Variants in LINS1 observed in about 807,000 individuals in gnomAD.
The protein encoded by LINS1 is protein Lines homolog 1.
A neutral mutation model predicts 41.6 loss-of-function variants in LINS1; 27 were observed. The observed-to-expected ratio is 0.65, with a 90% CI of 0.48 to 0.89. The LOEUF is 0.89. Ranked by LOEUF, LINS1 falls within the 40% of genes least tolerant of loss-of-function variation. The probability of loss-of-function intolerance (pLI) is 0.00; values close to 1 mark genes in which losing one functional copy is unlikely to be tolerated. For synonymous variants in LINS1, 336 were observed against 312.9 expected (o/e 1.07, Z -0.78); for missense variants, 955 against 884.1 (o/e 1.08, Z -1.02).
In LINS1 at chr15:100,584,224, A is replaced by G. The variant is rs1327312184; in HGVS notation, c.-103-3279T>C. On this transcript the variant is annotated intron_variant, in intron 1 of 6. Coordinates refer to ENST00000314742, the MANE Select transcript of LINS1 (RefSeq NM_001040616.3). ...CTATCACATGCTCAACTCTTTTAGT[A>G]AAAATTTCAGCAACAAATGGAATTA... Among the ~76,000 whole-genome samples, 3 of 152,250 alleles carry G rather than the reference A, an allele frequency of 2.0e-5. No individual in the cohort carries two copies. The East Asian group carries it at 5.8e-4, about 29-fold the overall frequency.
intron 3 of LINS1, among the ~76,000 whole-genome samples, chr15:100,580,000 A>G (rs1158117026): frequency 6.6e-6 from 1 of 152,178 alleles, no homozygotes; most frequent in African/African-American, 2.4e-5. Flanking sequence ...ATGTGAGCAA[A>G]TGTCTTATTA....
chr15:100,597,797 T>G (rs1164795901), intron 1 of LINS1, among the ~76,000 whole-genome samples: 3 of 152,246 alleles, frequency 2.0e-5, no homozygotes, highest in Admixed American at 6.5e-5. Context: ...ATAGATGTGA[T>G]ACTGTCTAGA....
intron 1 of LINS1, chr15:100,586,393 A>C (rs975050181): frequency 2.0e-5 from 3 of 152,236 alleles, no homozygotes; most frequent in African/African-American, 7.2e-5. Flanking sequence ...TGTGTAAATT[A>C]AATGCTTTGA....
intron 3 of LINS1, among the ~76,000 whole-genome samples, chr15:100,577,349 G>C (rs1460012375): frequency 6.6e-6 from 1 of 152,206 alleles, no homozygotes; most frequent in Non-Finnish European, 1.5e-5. Flanking sequence ...CAAAATCAAT[G>C]TGCAAAAATC....
At chr15:100,582,213 T>C (rs1177869792) in intron 1 of LINS1, among the ~76,000 whole-genome samples, 28 of 139,594 alleles carry the variant, frequency 2.0e-4, no homozygotes, top group Non-Finnish European at 2.3e-4. Flanking sequence ...CTATGGCCAC[T>C]AGCCTAGTCT....
At chr15:100,589,638 T>C (rs2038949300) in intron 1 of LINS1, among the ~76,000 whole-genome samples, 1 of 152,204 alleles carries the variant, frequency 6.6e-6, no homozygotes, top group South Asian at 2.1e-4. Context: ...ATGATCCAAA[T>C]TGAATATATT....
chr15:100,579,401 A>ATT lies in LINS1; in HGVS notation c.489+860_489+861dup, dbSNP rs35349929. Reference sequence around the variant, plus strand: ...CATTTTATCTTTATACCTTTAACTTATTTTTTTTTTAATTACTGCACTAGC... The same window carrying ATT: ...CATTTTATCTTTATACCTTTAACTTATTTTTTTTTTTTAATTACTGCACTAGC... On this transcript the variant is annotated intron_variant, in intron 3 of 6. Coordinates refer to ENST00000314742, the MANE Select transcript of LINS1 (RefSeq NM_001040616.3). Among the ~76,000 whole-genome samples the ATT allele has an allele frequency of 2.2e-3, 319 of 146,310 alleles. 1 individual carries two copies. The highest frequency in any genetic ancestry group is 6.8e-3 in the African/African-American group (274 of 40,234).
At chr15:100,596,906 G>T (rs770674544) in intron 1 of LINS1, 2 of 152,190 alleles carry the variant, frequency 1.3e-5, no homozygotes, top group Non-Finnish European at 2.9e-5. Context: ...TCCCTGCCAC[G>T]TACCTGAAGC....
intron 5 of LINS1, chr15:100,573,405 C>A (rs1388253838): frequency 2.5e-5 from 30 of 1,223,050 alleles, no homozygotes; most frequent in Non-Finnish European, 2.8e-5. Flanking sequence ...GACTCAACAG[C>A]AACTTTTTTA....
rs376607565 is a variant in LINS1, at chr15:100,574,217, T to C, written c.656A>G (p.His219Arg). 21 of 1,609,650 alleles carry C rather than the reference T, an allele frequency of 1.3e-5. No homozygotes were observed. In the South Asian group the frequency reaches 2.1e-4, roughly 16 times the overall value. Reference sequence around the variant, plus strand: ...AAACACTTCAAAAATGGTGTCGAAATGAGTCAGGAACTGCTTTAGAATTTC... The same window carrying C: ...AAACACTTCAAAAATGGTGTCGAAACGAGTCAGGAACTGCTTTAGAATTTC... Reference protein sequence around the residue: ...KTEILKQFLTHFDTIFEVFYN... With the variant: ...KTEILKQFLTRFDTIFEVFYN... Residue 219 changes from histidine to arginine, a missense_variant, in exon 5 of 7, where the codon CAT (histidine) becomes CGT (arginine). By Grantham distance (29) the His-to-Arg change is conservative (BLOSUM62 0). Transcript: ENST00000314742.
chr15:100,597,814 T>C (rs2141365015), intron 1 of LINS1, among the ~76,000 whole-genome samples: 1 of 152,380 alleles, frequency 6.6e-6, no homozygotes, highest in African/African-American at 2.4e-5. Context: ...TAGATTTTAC[T>C]GAACTCCTAA....
At chr15:100,582,262 C>A (rs1224034622) in intron 1 of LINS1, among the ~76,000 whole-genome samples, 1 of 147,784 alleles carries the variant, frequency 6.8e-6, no homozygotes, top group African/African-American at 2.5e-5. Context: ...CTATGGCCCA[C>A]CAGCCAAGTC....
At chr15:100,570,147 T>A in intron 6 of LINS1, 30 bp from the exon 7 acceptor site, 1 of 1,526,978 alleles carries the variant, frequency 6.5e-7, no homozygotes, top group Non-Finnish European at 8.9e-7. Context: ...AGAATGCAGA[T>A]TAATGACCTT....
At chr15:100,575,525 A>G (rs955785370) in intron 3 of LINS1, among the ~76,000 whole-genome samples, 3 of 152,180 alleles carry the variant, frequency 2.0e-5, no homozygotes, top group Non-Finnish European at 4.4e-5. Context: ...TTCATAAAGC[A>G]ACTCCTTAGA....
In LINS1 at chr15:100,569,788, T is replaced by C. The variant is rs2037713416; in HGVS notation, c.1724A>G (p.His575Arg). Residue 575 changes from histidine to arginine, a missense_variant, in exon 7 of 7, where the codon CAT becomes CGT. Transcript: ENST00000314742. ...QDQSSNQTIP[H>R]RLTAPHSHRD... The stretch of plus-strand genomic sequence containing the variant: ...GTGACTATGAGGAGCAGTCAAACGA[T>C]GGGGTATTGTTTGGTTGGAGCTTTG... The C allele has an allele frequency of 6.2e-7, 1 of 1,614,014 alleles. No homozygotes were observed. Among genetic ancestry groups the C allele is most frequent in the East Asian group, 2.2e-5 (1 of 44,878 alleles).
intron 1 of LINS1, among the ~76,000 whole-genome samples, chr15:100,584,757 G>A (rs2038723020): frequency 6.6e-6 from 1 of 152,062 alleles, no homozygotes; most frequent in Non-Finnish European, 1.5e-5. Flanking sequence ...ATCTACCTGG[G>A]GATACCATCA....
chr15:100,573,590 T>C, intron 5 of LINS1, 61 bp downstream of exon 5: 3 of 1,039,308 alleles, frequency 2.9e-6, no homozygotes, highest in Non-Finnish European at 4.4e-6. Flanking sequence ...TTGATAATTA[T>C]GAATTACTGT....
In LINS1 at chr15:100,592,131, T is replaced by C. The variant is rs556413218; in HGVS notation, c.-104+9990A>G. On this transcript the variant is annotated intron_variant, in intron 1 of 6. Transcript: ENST00000314742. ...AATCAATGGAAACCTCTAGAGGGTA[T>C]GTAAACCTCAGAAAATTCTGTAACG... 1.6e-3 allele frequency among the ~76,000 whole-genome samples: 248 copies of C among 152,346 alleles called. 2 individuals are homozygous for C. The highest frequency in any genetic ancestry group is 7.7e-4 in the East Asian group (4 of 5,188).
At chr15:100,588,834 T>C (rs2038917774) in intron 1 of LINS1, among the ~76,000 whole-genome samples, 1 of 152,224 alleles carries the variant, frequency 6.6e-6, no homozygotes, top group African/African-American at 2.4e-5. Flanking sequence ...AAGCATGTGA[T>C]AGATGGTCTG....
Sources: allele counts gnomAD v4.1 joint callset (sites outside exome capture counted in the v4.1 genomes callset), GRCh38; gene constraint gnomAD v4.1.1; transcripts MANE v1.5; gene names NCBI Gene and HGNC (gene_info 2026-07-23, HGNC 2026-07-21).